Variants in MYRIP observed in about 807,000 individuals in gnomAD.
The protein encoded by MYRIP is myosin VIIA and Rab interacting protein, also known as rab effector MyRIP.
A neutral mutation model predicts 98.0 loss-of-function variants in MYRIP; 49 were observed. The observed-to-expected ratio is 0.50, with a 90% CI of 0.40 to 0.63. The LOEUF is 0.63. MYRIP is among the 30% of genes least tolerant of loss of function. The pLI, the probability that MYRIP is intolerant of heterozygous loss-of-function variation, is 0.00. For synonymous variants in MYRIP, 404 were observed against 409.5 expected, an observed-to-expected ratio of 0.99 and a Z score of 0.16; for missense variants, 1,004 against 1,058.2, an observed-to-expected ratio of 0.95 and a Z score of 0.71.
At chr3:40,103,435 A>C (rs1948988980) in intron 3 of MYRIP, among the ~76,000 whole-genome samples, 1 of 152,200 alleles carries the variant, frequency 6.6e-6, no homozygotes, top group African/African-American at 2.4e-5. Context: ...AAAGGGCATG[A>C]ATGTTTTTTG....
At chr3:39,865,231 A>G (rs1322209953) in intron 1 of MYRIP, among the ~76,000 whole-genome samples, 1 of 152,186 alleles carries the variant, frequency 6.6e-6, no homozygotes, top group Non-Finnish European at 1.5e-5. Flanking sequence ...ACCATTCCAC[A>G]TGTATAACCT....
chr3:40,005,829 A>C (rs1410163099), intron 2 of MYRIP, among the ~76,000 whole-genome samples: 1 of 152,244 alleles, frequency 6.6e-6, no homozygotes, highest in African/African-American at 2.4e-5. Flanking sequence ...AAAATACATT[A>C]AATAAAATAT....
At chr3:40,246,306 A>T (rs1448503999) in intron 13 of MYRIP, among the ~76,000 whole-genome samples, 1 of 152,038 alleles carries the variant, frequency 6.6e-6, no homozygotes, top group East Asian at 1.9e-4. Context: ...AGTGGGCAGG[A>T]GCGGAAATAG....
At chr3:40,042,437 T>C (rs1408337125) in intron 2 of MYRIP, among the ~76,000 whole-genome samples, 3 of 151,998 alleles carry the variant, frequency 2.0e-5, no homozygotes, top group Non-Finnish European at 4.4e-5. Flanking sequence ...CAGATTTAAC[T>C]GCAGAAAAAT....
intron 1 of MYRIP, among the ~76,000 whole-genome samples, chr3:39,825,818 C>CT (rs1174549809): frequency 2.0e-5 from 3 of 152,048 alleles, no homozygotes; most frequent in African/African-American, 4.8e-5. Context: ...CTGAGATTTT[C>CT]TTTTTTGGGA....
At chr3:40,243,781 T>C (rs1953099689) in intron 12 of MYRIP, among the ~76,000 whole-genome samples, 1 of 152,174 alleles carries the variant, frequency 6.6e-6, no homozygotes. Flanking sequence ...AAGTAAAAAA[T>C]GTTTCTTTTT....
intron 1 of MYRIP, among the ~76,000 whole-genome samples, chr3:39,857,193 A>G (rs1942325352): frequency 6.6e-6 from 1 of 151,708 alleles, no homozygotes; most frequent in African/African-American, 2.4e-5. Context: ...AGCCTGAGTG[A>G]CAGGGTGAGG....
At chr3:39,999,935 C>A (rs1946475999) in intron 2 of MYRIP, among the ~76,000 whole-genome samples, 1 of 149,344 alleles carries the variant, frequency 6.7e-6, no homozygotes. Context: ...GACAAAAAAC[C>A]AAACACTGCA....
intron 2 of MYRIP, among the ~76,000 whole-genome samples, chr3:39,962,301 C>T (rs1324961891): frequency 6.6e-6 from 1 of 152,076 alleles, no homozygotes; most frequent in African/African-American, 2.4e-5. Context: ...TGTCTAAACC[C>T]CTGACCTGTT....
chr3:40,239,664 A>G (rs1211111750), intron 12 of MYRIP, among the ~76,000 whole-genome samples: 2 of 149,898 alleles, frequency 1.3e-5, no homozygotes, highest in Admixed American at 6.6e-5. Context: ...GCCAGTGATG[A>G]TGAGCATTTT....
At chr3:39,956,411 C>T (rs1489803837) in intron 2 of MYRIP, among the ~76,000 whole-genome samples, 1 of 152,160 alleles carries the variant, frequency 6.6e-6, no homozygotes, top group Admixed American at 6.5e-5. Context: ...AACTGAACAA[C>T]CTGCTCCTGA....
chr3:40,257,494 T>C (rs1575690395), intron 16 of MYRIP, among the ~76,000 whole-genome samples: 1 of 152,238 alleles, frequency 6.6e-6, no homozygotes, highest in Non-Finnish European at 1.5e-5. Context: ...AACTCTCATA[T>C]GCTTAGCATT....
intron 2 of MYRIP, among the ~76,000 whole-genome samples, chr3:39,948,510 A>G (rs1559532764): frequency 6.6e-6 from 1 of 151,158 alleles, no homozygotes; most frequent in African/African-American, 2.5e-5. Context: ...AGAACTCATT[A>G]AAGTAAGTAA....
At chr3:40,049,743 G>A (rs1480914411) in intron 3 of MYRIP, among the ~76,000 whole-genome samples, 3 of 152,118 alleles carry the variant, frequency 2.0e-5, no homozygotes, top group Non-Finnish European at 2.9e-5. Context: ...AGTTTCTTGA[G>A]CCAGACAATT....
intron 3 of MYRIP, among the ~76,000 whole-genome samples, chr3:40,098,893 G>A (rs7642050): frequency 0.027 from 4,043 of 150,556 alleles, 183 homozygotes; most frequent in African/African-American, 0.09. Flanking sequence ...CATATATTAA[G>A]AGGGTGTGTG....
chr3:39,904,927 G>A (rs551771422), intron 2 of MYRIP, among the ~76,000 whole-genome samples: 1 of 152,256 alleles, frequency 6.6e-6, no homozygotes, highest in South Asian at 2.1e-4. Context: ...AGAATTGATA[G>A]GCCTGAGAAT....
At chr3:40,251,217 A>G (rs1241455159) in intron 15 of MYRIP, among the ~76,000 whole-genome samples, 1 of 152,214 alleles carries the variant, frequency 6.6e-6, no homozygotes, top group East Asian at 1.9e-4. Context: ...AAGTCCAAAA[A>G]TGTGCATTTG....
intron 4 of MYRIP, among the ~76,000 whole-genome samples, chr3:40,158,032 T>C (rs1211603131): frequency 6.6e-6 from 1 of 152,154 alleles, no homozygotes; most frequent in Non-Finnish European, 1.5e-5. Context: ...TCTTGCCTTC[T>C]GCTAGCTTTT....
chr3:39,873,672 G>T (rs1338202888), intron 1 of MYRIP, among the ~76,000 whole-genome samples: 1 of 151,692 alleles, frequency 6.6e-6, no homozygotes, highest in African/African-American at 2.4e-5. Flanking sequence ...TATTTCTGAG[G>T]GCTCTGTTCT....
Sources: allele counts gnomAD v4.1 joint callset (sites outside exome capture counted in the v4.1 genomes callset), GRCh38; gene constraint gnomAD v4.1.1; transcripts MANE v1.5; gene names NCBI Gene and HGNC (gene_info 2026-07-23, HGNC 2026-07-21).